Variants in FN1 observed in about 807,000 individuals in gnomAD.
FN1 encodes the protein fibronectin.
A neutral mutation model predicts 297.3 loss-of-function variants in FN1; 106 were observed. That is an observed-to-expected ratio of 0.36 (90% CI 0.30 to 0.42). The LOEUF is 0.42. FN1 is among the 10% of genes least tolerant of loss of function. FN1 has a pLI of 1.00. For synonymous variants in FN1, 1,149 were observed against 1,152.6 expected, an observed-to-expected ratio of 1.00 and a Z score of 0.06; for missense variants, 2,690 against 3,124.9, an observed-to-expected ratio of 0.86 and a Z score of 3.32.
chr2:215,424,192 C>T lies in FN1; in HGVS notation c.1170G>A (p.Ser390=), dbSNP rs745915615. 10 of 1,614,166 alleles carry T rather than the reference C, an allele frequency of 6.2e-6. No homozygotes were observed. The Admixed American group carries it at 1.0e-4, about 16-fold the overall frequency. ...QDGHLWCSTT[S]NYEQDQKYSF... ...AGTATTTCTGGTCCTGCTCATAATT[C>T]GAAGTTGTGCTGCACCAAAGATGTC... The change falls in exon 8 of 46, where the codon TCG becomes TCA. Residue 390 remains serine, a synonymous_variant. Coordinates refer to ENST00000354785, the MANE Select transcript of FN1 (RefSeq NM_212482.4).
At chr2:215,416,175 A>C (rs2063405825) in intron 12 of FN1, among the ~76,000 whole-genome samples, 2 of 152,192 alleles carry the variant, frequency 1.3e-5, no homozygotes, top group African/African-American at 4.8e-5. Context: ...AGATTCAGAA[A>C]TTCTAAAACA....
At chr2:215,378,979 G>A (rs931896979) in intron 34 of FN1, 151 bp downstream of exon 34, 13 of 795,806 alleles carry the variant, frequency 1.6e-5, no homozygotes, top group Middle Eastern at 5.8e-4. Flanking sequence ...TCAACATAAA[G>A]GAATTCCGTT....
intron 34 of FN1, among the ~76,000 whole-genome samples, chr2:215,378,466 C>T (rs184711068): frequency 2.9e-4 from 44 of 152,178 alleles, no homozygotes; most frequent in African/African-American, 9.6e-4. Context: ...ATGCTCTTAG[C>T]GGTTAAGCTT....
intron 32 of FN1, 103 bp downstream of exon 32, chr2:215,382,109 T>C: frequency 2.7e-6 from 2 of 745,434 alleles, no homozygotes; most frequent in Non-Finnish European, 4.8e-6. Context: ...AACCAACAAG[T>C]TCACTTTCCC....
At chr2:215,403,085 G>A (rs929271545) in intron 20 of FN1, among the ~76,000 whole-genome samples, 1 of 151,998 alleles carries the variant, frequency 6.6e-6, no homozygotes, top group South Asian at 2.1e-4. Context: ...ATTCACTGAA[G>A]GACATTTATA....
In FN1 at chr2:215,397,200, G is replaced by C. The variant is rs147979114; in HGVS notation, c.3541C>G (p.His1181Asp). The change falls in exon 23 of 46, where the codon CAT becomes GAT. Residue 1181 changes from histidine (H) to aspartate (D), a missense_variant. Physicochemically the swap from His to Asp is moderately conservative, Grantham distance 81. This residue lies in a region of FN1 where 1,743 missense variants were observed against 1,945.2 expected (regional missense o/e 0.90). Transcript: ENST00000354785. Reference protein sequence around the residue: ...VTPLSPPTNLHLEANPDTGVL... With the variant: ...VTPLSPPTNLDLEANPDTGVL... ...CCAGTGTCAGGGTTTGCCTCCAGAT[G>C]CAAGTTTGTTGGTGGAGACAATGCT... 45 of 1,613,532 alleles carry C rather than the reference G, an allele frequency of 2.8e-5. No homozygotes were observed. Among genetic ancestry groups the C allele is most frequent in the Non-Finnish European group, 3.1e-5 (37 of 1,179,572 alleles).
rs2053361484 is a variant in FN1, at chr2:215,360,998, T to C, written c.*557A>G. On this transcript the variant is annotated 3_prime_UTR_variant, in exon 46 of 46. Transcript: ENST00000354785. Reference sequence around the variant, plus strand: ...TCAACTGCATACTAAGTGTTTTCAATACAATTTTTTCCGTATAAAAATACT... The same window carrying C: ...TCAACTGCATACTAAGTGTTTTCAACACAATTTTTTCCGTATAAAAATACT... 1 of 157,236 alleles carries C rather than the reference T, an allele frequency of 6.4e-6. No homozygotes were observed. The highest frequency in any genetic ancestry group is 1.4e-5 in the Non-Finnish European group (1 of 70,790). The allele number at this position is 157,236 out of a possible 1,614,324, so 9.7% of individuals were successfully genotyped here. A position where few individuals can be genotyped will look rare whatever the true frequency, so the allele number is the denominator to read the frequency against.
chr2:215,402,525 A>G (rs1415095299), intron 20 of FN1, among the ~76,000 whole-genome samples: 1 of 152,246 alleles, frequency 6.6e-6, no homozygotes, highest in Non-Finnish European at 1.5e-5. Flanking sequence ...TTAGTAAGAT[A>G]GTAAAAAACT....
chr2:215,396,572 G>A (rs983891917), intron 23 of FN1, among the ~76,000 whole-genome samples: 3 of 152,120 alleles, frequency 2.0e-5, no homozygotes, highest in African/African-American at 7.2e-5. Context: ...TTGGGTGTGA[G>A]AAGGAGTCTA....
chr2:215,398,320 A>G (rs1422245908), intron 21 of FN1, among the ~76,000 whole-genome samples: 2 of 152,248 alleles, frequency 1.3e-5, no homozygotes, highest in Non-Finnish European at 2.9e-5. Flanking sequence ...AGAGATATGT[A>G]CATAGCTTCA....
Position 215,384,956 on chromosome 2 carries a change from G to A in FN1, c.4633C>T (p.Leu1545=). The A allele has an allele frequency of 1.2e-6, 2 of 1,613,458 alleles. No homozygotes were observed. The highest frequency in any genetic ancestry group is 2.2e-5 in the East Asian group (1 of 44,844). Residue 1545 remains leucine (L), a synonymous_variant, in exon 29 of 46, where the codon CTG becomes TTG. Coordinates refer to ENST00000354785, the MANE Select transcript of FN1 (RefSeq NM_212482.4). The part of the protein sequence containing the change: ...QSTVSDVPRD[L]EVVAATPTSL... ...GTGGGGGTCGCAGCAACAACTTCCA[G>A]GTCCCTCGGAACATCAGAAACTAGA...
At chr2:215,420,302 C>G (rs1287327587) in intron 11 of FN1, among the ~76,000 whole-genome samples, 1 of 151,662 alleles carries the variant, frequency 6.6e-6, no homozygotes, top group Admixed American at 6.6e-5. Context: ...TTGTGCCATA[C>G]ACTCCAGCCT....
intron 20 of FN1, 107 bp downstream of exon 20, chr2:215,404,282 T>C (rs1414275304): frequency 1.9e-5 from 22 of 1,174,644 alleles, no homozygotes; most frequent in South Asian, 5.3e-5. Context: ...ATTTAAATTA[T>C]GTACTAATTT....
chr2:215,385,154 A>G (rs2058743241), intron 28 of FN1, among the ~76,000 whole-genome samples, 178 bp from the exon 29 acceptor site: 1 of 152,050 alleles, frequency 6.6e-6, no homozygotes, highest in Middle Eastern at 3.4e-3. Context: ...TACAGAGCCC[A>G]TTCAAATTGT....
chr2:215,376,952 A>G (rs2106306158), intron 35 of FN1, among the ~76,000 whole-genome samples: 1 of 152,304 alleles, frequency 6.6e-6, no homozygotes, highest in South Asian at 2.1e-4. Context: ...GTATCTACAA[A>G]TACTTCAATA....
intron 41 of FN1, among the ~76,000 whole-genome samples, chr2:215,368,844 T>TA (rs944291921): frequency 2.6e-5 from 4 of 152,106 alleles, no homozygotes; most frequent in African/African-American, 7.2e-5. Context: ...AAGCTTATTT[T>TA]AAAAAAATCT....
At position 215,384,040 on chromosome 2, in the gene FN1, A is replaced by C. The variant is rs1233799396; in HGVS notation, c.4874T>G (p.Ile1625Ser). The C allele has an allele frequency of 6.2e-7, 1 of 1,614,178 alleles. No individual in the cohort carries two copies. The change falls in exon 30 of 46, where the codon ATT becomes AGT. Residue 1625 changes from isoleucine to serine, a missense_variant. By Grantham distance (142) the Ile-to-Ser change is moderately radical. This residue lies in a region of FN1 where 1,743 missense variants were observed against 1,945.2 expected (regional missense o/e 0.90). Transcript: ENST00000354785. ...TGTACCTGTTCGGTAATTAATGGAA[A>C]TTGGCTTGCTGCTTGCGGGGCTGTC... Reference protein sequence around the residue: ...RGDSPASSKPISINYRTEIDK... With the variant: ...RGDSPASSKPSSINYRTEIDK...
chr2:215,364,326 G>T, intron 44 of FN1: 2 of 23,186 alleles, frequency 8.6e-5, no homozygotes, highest in Non-Finnish European at 1.5e-4. Context: ...ATTTAACAAC[G>T]TTGCCATGGG....
rs569637664 is a variant in FN1 at position 215,372,013 on chromosome 2, G to T, written c.6610C>A (p.Gln2204Lys). The T allele has an allele frequency of 1.7e-5, 28 of 1,614,220 alleles. No individual in the cohort carries two copies. The East Asian group carries it at 5.8e-4, about 33-fold the overall frequency. ...PGLNPNASTGQEALSQTTISW... is the reference protein window; with the variant it reads ...PGLNPNASTGKEALSQTTISW... Reference sequence around the variant, plus strand: ...ATGGTTGTCTGAGAGAGAGCTTCTTGTCCTGTAGAGGCATTTGGATTGAGT... The same window carrying T: ...ATGGTTGTCTGAGAGAGAGCTTCTTTTCCTGTAGAGGCATTTGGATTGAGT... The change falls in exon 40 of 46, where the codon CAA becomes AAA. Residue 2204 changes from glutamine to lysine, a missense_variant. By Grantham distance (53) the Gln-to-Lys change is moderately conservative. Coordinates refer to ENST00000354785, the MANE Select transcript of FN1 (RefSeq NM_212482.4).
Sources: gnomAD v4.1 joint callset for allele counts (sites outside exome capture counted in the v4.1 genomes callset) on GRCh38, gnomAD v4.1.1 for gene constraint, gnomAD v4.1.1 regional missense constraint, MANE v1.5 for transcripts, NCBI Gene and HGNC (gene_info 2026-07-23, HGNC 2026-07-21) for gene names.